LHX4: variants seen among roughly 807,000 people sequenced by gnomAD.
LHX4 encodes LIM/homeobox protein Lhx4.
In LHX4, 16 loss-of-function variants were observed where a neutral mutation model predicts 39.2. The observed-to-expected ratio is 0.41, with a 90% CI of 0.28 to 0.62. The LOEUF is 0.62. Among genes scored for constraint, LHX4 ranks in the 20% least tolerant of loss-of-function variants. The pLI, the probability that LHX4 is intolerant of heterozygous loss-of-function variation, is 0.33. For missense variants in LHX4, 439 were observed against 511.9 expected, an observed-to-expected ratio of 0.86 and a Z score of 1.37; for synonymous variants, 206 against 198.1, an observed-to-expected ratio of 1.04 and a Z score of -0.33.
Position 180,234,199 on chromosome 1 carries a change from AT to A in LHX4, c.76+3595del, listed in dbSNP as rs1558207192. ...TATATATATATATATATATATATAT[AT>A]ATATATATATATATATATATAATAG... On this transcript the variant is annotated intron_variant, in intron 1 of 5. Coordinates refer to ENST00000263726, the MANE Select transcript of LHX4 (RefSeq NM_033343.4). This position sits in a 1 kb window ranked among gnomAD's most constrained non-coding sequence, Gnocchi z 4.8. Among the ~76,000 whole-genome samples, 7,027 of 89,678 alleles carry A rather than the reference AT, an allele frequency of 0.078. 614 individuals carry two copies. Among genetic ancestry groups the A allele is most frequent in the South Asian group, 0.16 (369 of 2,246 alleles). The allele number at this position is 89,678 out of a possible 152,430, so 58.8% of individuals were successfully genotyped here.
chr1:180,249,053 T>C (rs1248934980), intron 2 of LHX4, among the ~76,000 whole-genome samples: 1 of 152,206 alleles, frequency 6.6e-6, no homozygotes, highest in African/African-American at 2.4e-5. Context: ...GCTCTGCCTG[T>C]ATTCGAACCC....
chr1:180,245,740 GTCA>G (rs1046467199), intron 1 of LHX4, among the ~76,000 whole-genome samples: 1 of 152,184 alleles, frequency 6.6e-6, no homozygotes, highest in Non-Finnish European at 1.5e-5. Context: ...AGGCACTATT[GTCA>G]TCATCACCCC....
In LHX4 at chr1:180,248,444, A is replaced by G; in HGVS notation, c.236A>G (p.Glu79Gly). 1 of 1,614,176 alleles carries G rather than the reference A, an allele frequency of 6.2e-7. No individual in the cohort carries two copies. The highest frequency in any genetic ancestry group is 8.5e-7 in the Non-Finnish European group (1 of 1,180,050). ...FSRAGSVYCK[E>G]DFFKRFGTKC... ...AGGGCTGGGAGCGTCTACTGCAAGG[A>G]GGACTTCTTCAAGTAAGTCAGAACG... The change falls in exon 2 of 6, where the codon GAG becomes GGG. Residue 79 changes from glutamate (E) to glycine (G), a missense_variant. Transcript: ENST00000263726.
chr1:180,278,302 G>A lies in LHX4; in HGVS notation c.*3723G>A, dbSNP rs993282466. On this transcript the variant is annotated 3_prime_UTR_variant, in exon 6 of 6. Coordinates refer to ENST00000263726, the MANE Select transcript of LHX4 (RefSeq NM_033343.4). Reference sequence around the variant, plus strand: ...TATTGCCTGCTGCTGAAGGGCTCTGGGCATGCTGAAAGCTAAATGAAAAGC... The same window carrying A: ...TATTGCCTGCTGCTGAAGGGCTCTGAGCATGCTGAAAGCTAAATGAAAAGC... The A allele has an allele frequency of 4.6e-5, 7 of 151,698 alleles. No homozygotes were observed. Among genetic ancestry groups the A allele is most frequent in the African/African-American group, 1.5e-4 (6 of 41,236 alleles). The allele number at this position is 151,698 out of a possible 1,614,324, so 9.4% of individuals were successfully genotyped here.
chr1:180,246,268 G>T (rs1203109489), intron 1 of LHX4, among the ~76,000 whole-genome samples: 1 of 152,172 alleles, frequency 6.6e-6, no homozygotes, highest in Non-Finnish European at 1.5e-5. Flanking sequence ...TATTTATAGG[G>T]TTTAAGTACA....
At position 180,245,002 on chromosome 1, in the gene LHX4, G is replaced by T. The variant is rs1334985466; in HGVS notation, c.77-3283G>T. Among the ~76,000 whole-genome samples, 2 of 152,222 alleles carry T rather than the reference G, an allele frequency of 1.3e-5. 1 individual carries two copies. Among genetic ancestry groups the T allele is most frequent in the Admixed American group, 1.3e-4 (2 of 15,286 alleles). ...AGTGGGCACACAGCACTGCCCTGTG[G>T]CACACAGCAGGCCTTGTTCACACAT... On this transcript the variant is annotated intron_variant, in intron 1 of 5. Transcript: ENST00000263726.
Position 180,266,453 on chromosome 1 carries a change from A to G in LHX4, c.310A>G (p.Lys104Glu), listed in dbSNP as rs1648317018. ...QGIPPTQVVR[K>E]AQDFVYHLHC... ...TATCCCCCCAACCCAGGTGGTCCGCAAGGCCCAGGACTTTGTCTACCACCT... is the reference window on the plus strand; with the variant it reads ...TATCCCCCCAACCCAGGTGGTCCGCGAGGCCCAGGACTTTGTCTACCACCT... Residue 104 changes from lysine to glutamate, a missense_variant, in exon 3 of 6, where the codon AAG becomes GAG. Lys to Glu is a moderately conservative substitution (Grantham distance 56, BLOSUM62 1). Transcript: ENST00000263726. This position sits in a 1 kb window ranked among gnomAD's most constrained non-coding sequence, Gnocchi z 5.7. 6.2e-7 allele frequency: 1 copy of G among 1,614,054 alleles called. No homozygotes were observed. Among genetic ancestry groups the G allele is most frequent in the Admixed American group, 1.7e-5 (1 of 60,002 alleles).
intron 3 of LHX4, 131 bp from the exon 4 acceptor site, chr1:180,271,249 C>A: frequency 2.0e-6 from 2 of 987,518 alleles, no homozygotes; most frequent in Non-Finnish European, 3.3e-6. Flanking sequence ...ACTCTGATGT[C>A]CCCTGTGCCT....
At chr1:180,262,736 CCT>C (rs1204630070) in intron 2 of LHX4, among the ~76,000 whole-genome samples, 1 of 151,922 alleles carries the variant, frequency 6.6e-6, no homozygotes, top group Non-Finnish European at 1.5e-5. Flanking sequence ...CCAAGCCTCC[CCT>C]GACTACTCAG....
intron 2 of LHX4, among the ~76,000 whole-genome samples, chr1:180,265,658 C>T (rs1440490273): frequency 1.3e-5 from 2 of 152,216 alleles, no homozygotes; most frequent in Non-Finnish European, 2.9e-5. Context: ...ATTTTCCAAA[C>T]TGTAATCTGC....
rs763403197 is a variant in LHX4 at position 180,274,623 on chromosome 1, A to C, written c.*44A>C. On this transcript the variant is annotated 3_prime_UTR_variant, in exon 6 of 6. Coordinates refer to ENST00000263726, the MANE Select transcript of LHX4 (RefSeq NM_033343.4). ...CTACCTGCCCCCCTGGCTTGAGAGA[A>C]TATCTTCAAGGATCAAAAGAGACTT... The C allele has an allele frequency of 6.6e-7, 1 of 1,512,852 alleles. No individual in the cohort carries two copies. The highest frequency in any genetic ancestry group is 1.3e-5 in the South Asian group (1 of 77,024). 93.7% of individuals were successfully genotyped at this position (1,512,852 alleles called of 1,614,324 possible). A position where few individuals can be genotyped will look rare whatever the true frequency, so the allele number is the denominator to read the frequency against.
rs1664155651 is a variant in LHX4, at chr1:180,230,668, G to A, written c.76+63G>A. ...AAGACAGCTAGCAGCCTCAGCCGCT[G>A]CGGGGCGGGCCGGACGCCGCTCAGG... is the stretch of plus-strand genomic sequence containing the variant. On this transcript the variant is annotated intron_variant, in intron 1 of 5. Transcript: ENST00000263726. This position sits in a 1 kb window ranked among gnomAD's most constrained non-coding sequence, Gnocchi z 5.8. 6.6e-7 allele frequency: 1 copy of A among 1,508,158 alleles called. No homozygotes were observed. Among genetic ancestry groups the A allele is most frequent in the South Asian group, 1.1e-5 (1 of 87,832 alleles). The allele number at this position is 1,508,158 out of a possible 1,614,324, so 93.4% of individuals were successfully genotyped here. A position where few individuals can be genotyped will look rare whatever the true frequency, so the allele number is the denominator to read the frequency against.
rs76641730 is a variant in LHX4 at position 180,278,838 on chromosome 1, G to T, written c.*4259G>T. 2.7e-5 allele frequency: 4 copies of T among 146,728 alleles called. No individual in the cohort carries two copies. The allele number at this position is 146,728 out of a possible 1,614,324, so 9.1% of individuals were successfully genotyped here. A position where few individuals can be genotyped will look rare whatever the true frequency, so the allele number is the denominator to read the frequency against. On this transcript the variant is annotated 3_prime_UTR_variant, in exon 6 of 6. Coordinates refer to ENST00000263726, the MANE Select transcript of LHX4 (RefSeq NM_033343.4). ...TTCCTGGGGAAAAAAAAGAAAAAAA[G>T]AAAAAAAAAAGACCCACCCATCCTT...
chr1:180,233,515 G>A (rs1558206699), intron 1 of LHX4, among the ~76,000 whole-genome samples: 1 of 152,220 alleles, frequency 6.6e-6, no homozygotes, highest in East Asian at 1.9e-4. Flanking sequence ...AGAGCCTTCC[G>A]AGCCGCCTCC....
At chr1:180,240,125 G>A (rs1346025171) in intron 1 of LHX4, among the ~76,000 whole-genome samples, 1 of 152,224 alleles carries the variant, frequency 6.6e-6, no homozygotes, top group African/African-American at 2.4e-5. Context: ...GGCACATCAA[G>A]CTGGCACATC....
intron 2 of LHX4, among the ~76,000 whole-genome samples, chr1:180,262,011 A>T (rs533023846): frequency 3.9e-5 from 6 of 152,326 alleles, no homozygotes; most frequent in African/African-American, 1.4e-4. Context: ...CTCTAACCAA[A>T]CTAATTTTTC....
intron 2 of LHX4, among the ~76,000 whole-genome samples, chr1:180,259,897 A>AC (rs1179538873): frequency 6.6e-6 from 1 of 150,972 alleles, no homozygotes; most frequent in Non-Finnish European, 1.5e-5. Flanking sequence ...GTTGGAAGTG[A>AC]CCCCTGGAGC....
chr1:180,259,788 C>T (rs964807839), intron 2 of LHX4, among the ~76,000 whole-genome samples: 2 of 151,398 alleles, frequency 1.3e-5, no homozygotes, highest in African/African-American at 4.9e-5. Context: ...AGGAGGGAAG[C>T]GAGGGACAGT....
chr1:180,265,782 G>A (rs1648286690), intron 2 of LHX4, among the ~76,000 whole-genome samples: 1 of 152,208 alleles, frequency 6.6e-6, no homozygotes, highest in Non-Finnish European at 1.5e-5. Context: ...AGGTAGGCTT[G>A]GAGGGCTTTG....
Sources: gnomAD v4.1 joint callset for allele counts (sites outside exome capture counted in the v4.1 genomes callset) on GRCh38, gnomAD v4.1.1 for gene constraint, Gnocchi (gnomAD v3.1) non-coding constraint, MANE v1.5 for transcripts, NCBI Gene and HGNC (gene_info 2026-07-23, HGNC 2026-07-21) for gene names.